ADGRG4: variants seen among roughly 807,000 people sequenced by gnomAD.
ADGRG4 encodes G protein-coupled receptor 112.
In ADGRG4, 122 loss-of-function variants were observed where a neutral mutation model predicts 126.2. The ratio of observed to expected loss-of-function variants is 0.97; its 90% CI spans 0.83 to 1.12. ADGRG4 has a LOEUF of 1.12. Ranked by LOEUF, ADGRG4 falls within the 50% of genes most tolerant of loss-of-function variation. ADGRG4 has a pLI of 0.00. For synonymous variants in ADGRG4, 943 were observed against 838.7 expected (o/e 1.12, Z -2.15); for missense variants, 2,481 against 2,251.8 (o/e 1.10, Z -2.06).
At chrX:136,307,882 T>C (rs2074743612) in intron 3 of ADGRG4, among the ~76,000 whole-genome samples, 1 of 112,378 alleles carries the variant, frequency 8.9e-6, no homozygotes, top group South Asian at 3.7e-4. Flanking sequence ...CATAAGACAC[T>C]ATAGTTACAA....
Position 136,346,509 on chromosome X carries a change from C to A in ADGRG4, c.2803C>A (p.His935Asn). The change falls in exon 6 of 26, where the codon CAC becomes AAC. Residue 935 changes from histidine (H) to asparagine (N), a missense_variant. Transcript: ENST00000394143. ...AATGACAGAAATGTTTAATTTTAAC[C>A]ACACCTATGTAGCACATTGGACTTC... Reference protein sequence around the residue: ...NEMTEMFNFNHTYVAHWTSET... With the variant: ...NEMTEMFNFNNTYVAHWTSET... 8.3e-7 allele frequency: 1 copy of A among 1,208,114 alleles called. No homozygotes were observed. Among genetic ancestry groups the A allele is most frequent in the Non-Finnish European group, 1.1e-6 (1 of 892,588 alleles).
At chrX:136,363,617 A>T in intron 13 of ADGRG4, 22 bp downstream of exon 13, 1 of 982,856 alleles carries the variant, frequency 1.0e-6, no homozygotes, top group Non-Finnish European at 1.5e-6. Context: ...TTGTACATAT[A>T]AGACAAATTA....
In ADGRG4 at chrX:136,342,915, T is replaced by TGA. The variant is rs1394673360; in HGVS notation, c.686-1476_686-1475insAG. Among the ~76,000 whole-genome samples, 50 of 80,820 alleles carry TGA rather than the reference T, an allele frequency of 6.2e-4. 1 individual carries two copies. The highest frequency in any genetic ancestry group is 1.7e-3 in the South Asian group (3 of 1,735). The allele number at this position is 80,820 out of a possible 115,157, so 70.2% of individuals were successfully genotyped here. On this transcript the variant is annotated intron_variant, in intron 5 of 25. Coordinates refer to ENST00000394143, the MANE Select transcript of ADGRG4 (RefSeq NM_153834.4). ...GTGTGTGTGTGTGTGTGTGTGTGTG[T>TGA]GTGTGTGAGAGAGAGAGAGGAAGGG...
chrX:136,388,015 C>T (rs1210891191), intron 16 of ADGRG4, 141 bp downstream of exon 16: 3 of 522,369 alleles, frequency 5.7e-6, no homozygotes, highest in Non-Finnish European at 9.2e-6. Context: ...CAACCCCTGC[C>T]CCTTAACATG....
chrX:136,384,388 A>G (rs1364546536), intron 15 of ADGRG4, among the ~76,000 whole-genome samples: 1 of 112,244 alleles, frequency 8.9e-6, no homozygotes, highest in Admixed American at 9.4e-5. Flanking sequence ...TATTTTACAC[A>G]AGAAGATTAT....
At chrX:136,355,719 A>G (rs1015049808) in intron 8 of ADGRG4, among the ~76,000 whole-genome samples, 3 of 112,372 alleles carry the variant, frequency 2.7e-5, no homozygotes, top group Non-Finnish European at 3.8e-5. Flanking sequence ...TTTGTAATAC[A>G]TCATGTATGC....
Position 136,400,409 on chromosome X carries a change from A to G in ADGRG4, c.8575+293A>G, listed in dbSNP as rs2075373655. On this transcript the variant is annotated intron_variant, in intron 21 of 25. Transcript: ENST00000394143. ...TTCCTTTACAGAAGTTACAGTCACA[A>G]CAAATACTGATAAAACAGCTAACAC... Among the ~76,000 whole-genome samples, 5 of 112,340 alleles carry G rather than the reference A, an allele frequency of 4.5e-5. No homozygotes were observed. In the South Asian group the frequency reaches 1.8e-3, roughly 41 times the overall value.
intron 4 of ADGRG4, 57 bp downstream of exon 4, chrX:136,308,904 A>G: frequency 1.4e-6 from 1 of 729,704 alleles, no homozygotes; most frequent in Non-Finnish European, 2.1e-6. Context: ...TAGGTTATAG[A>G]AATAAACCAT....
At chrX:136,355,588 C>T (rs996510616) in intron 8 of ADGRG4, among the ~76,000 whole-genome samples, 6 of 111,161 alleles carry the variant, frequency 5.4e-5, no homozygotes, top group Admixed American at 4.8e-4. Context: ...TGCCTTCCCC[C>T]ACCCCTTCAA....
At position 136,347,780 on chromosome X, in the gene ADGRG4, C is replaced by T. The variant is rs781112877; in HGVS notation, c.4074C>T (p.Thr1358=). ...GTGTTCACATTCCAGAAATGTCTAC[C>T]AGTCTTGGGAAAACAGCTCTCCCCT... ...TVGVHIPEMS[T]SLGKTALPSQ... is the part of the protein sequence containing the mutation. The change falls in exon 6 of 26, where the codon ACC becomes ACT. Residue 1358 remains threonine, a synonymous_variant. Transcript: ENST00000394143. 1.7e-6 allele frequency: 2 copies of T among 1,210,701 alleles called. No individual in the cohort carries two copies. The highest frequency in any genetic ancestry group is 2.2e-6 in the Non-Finnish European group (2 of 894,643).
rs1351637284 is a variant in ADGRG4, at chrX:136,416,836, T to A, written c.*345T>A. 7.2e-6 allele frequency: 1 copy of A among 139,738 alleles called. No individual in the cohort carries two copies. 11.5% of individuals were successfully genotyped at this position (139,738 alleles called of 1,213,427 possible). A position where few individuals can be genotyped will look rare whatever the true frequency, so the allele number is the denominator to read the frequency against. ...CCAACCTTCTATTTTAATTATTATT[T>A]TGTAAGGGGAAGAATAACATTTGAT... is the stretch of plus-strand genomic sequence containing the variant. On this transcript the variant is annotated 3_prime_UTR_variant, in exon 26 of 26. Transcript: ENST00000394143.
chrX:136,376,943 T>C (rs1239400841), intron 15 of ADGRG4, among the ~76,000 whole-genome samples: 1 of 110,606 alleles, frequency 9.0e-6, no homozygotes, highest in African/African-American at 3.3e-5. Context: ...CTTTATTTCT[T>C]ACTCATGTCT....
At chrX:136,362,673 G>T (rs1038837175) in intron 12 of ADGRG4, among the ~76,000 whole-genome samples, 2 of 111,377 alleles carry the variant, frequency 1.8e-5, no homozygotes, top group African/African-American at 6.5e-5. Flanking sequence ...GCTTCCTGGT[G>T]TCTCTTTCTC....
At chrX:136,371,647 T>C (rs1194663072) in intron 14 of ADGRG4, 103 bp downstream of exon 14, 5 of 458,605 alleles carry the variant, frequency 1.1e-5, no homozygotes, top group African/African-American at 2.5e-5. Flanking sequence ...CAAACAACCA[T>C]AGATTGAAAA....
At chrX:136,312,366 C>T (rs577412433) in intron 4 of ADGRG4, among the ~76,000 whole-genome samples, 1 of 112,096 alleles carries the variant, frequency 8.9e-6, no homozygotes, top group African/African-American at 3.2e-5. Flanking sequence ...GTGGCTCATG[C>T]CTGTAATCCC....
In ADGRG4 at chrX:136,349,040, T is replaced by C. The variant is rs745714606; in HGVS notation, c.5334T>C (p.Ser1778=). Residue 1778 remains serine (S), a synonymous_variant, in exon 6 of 26, where the codon TCT becomes TCC. Coordinates refer to ENST00000394143, the MANE Select transcript of ADGRG4 (RefSeq NM_153834.4). ...SPSLTSFKSA[S]GPTKNVKTTT... ...CTCTGACTAGCTTTAAGAGTGCTTC[T>C]GGACCCACAAAAAATGTTAAAACAA... The C allele has an allele frequency of 1.5e-4, 183 of 1,203,869 alleles. 2 individuals carry two copies. The South Asian group carries it at 2.9e-3, about 19-fold the overall frequency.
At chrX:136,377,733 G>A (rs971098744) in intron 15 of ADGRG4, among the ~76,000 whole-genome samples, 20 of 111,056 alleles carry the variant, frequency 1.8e-4, no homozygotes, top group African/African-American at 6.5e-4. Flanking sequence ...AGTATTTCCA[G>A]CATCATTTGT....
chrX:136,361,900 C>T (rs1450959042), intron 12 of ADGRG4, among the ~76,000 whole-genome samples: 3 of 111,690 alleles, frequency 2.7e-5, no homozygotes, highest in African/African-American at 9.8e-5. Flanking sequence ...TTTCATGTAA[C>T]CTTTCTCTGT....
chrX:136,316,574 T>A (rs1360769221), intron 4 of ADGRG4, among the ~76,000 whole-genome samples: 1 of 111,535 alleles, frequency 9.0e-6, no homozygotes, highest in African/African-American at 3.3e-5. Flanking sequence ...TTCAAGTGAT[T>A]CTCCTGCCTC....
Sources: gnomAD v4.1 joint callset for allele counts (sites outside exome capture counted in the v4.1 genomes callset) on GRCh38, gnomAD v4.1.1 for gene constraint, MANE v1.5 for transcripts, NCBI Gene and HGNC (gene_info 2026-07-23, HGNC 2026-07-21) for gene names.